The following MORN4 variants were observed in gnomAD, a reference collection of about 807,000 sequenced individuals.
MORN4 encodes MORN repeat-containing protein 4.
A neutral mutation model predicts 16.4 loss-of-function variants in MORN4; 8 were observed. The ratio of observed to expected loss-of-function variants is 0.49; its 90% CI spans 0.29 to 0.88. The LOEUF (loss-of-function observed/expected upper bound fraction) is 0.88. Among genes scored for constraint, MORN4 ranks in the 40% least tolerant of loss-of-function variants. The pLI is 0.09. For synonymous variants in MORN4, 53 were observed against 68.9 expected (o/e 0.77, Z 1.14); for missense variants, 159 against 182.9 (o/e 0.87, Z 0.75).
At position 97,628,780 on chromosome 10, in the gene MORN4, C is replaced by A. The variant is rs1033623183; in HGVS notation, c.-31+4567G>T. On this transcript the variant is annotated intron_variant, in intron 1 of 4. Transcript: ENST00000307450. The stretch of plus-strand genomic sequence containing the variant: ...CTTCTGGCCTCATGTGATCTGCCTG[C>A]CTTGGACTCCCAAAGTGCTGGGATT... Among the ~76,000 whole-genome samples, 44 of 152,260 alleles carry A rather than the reference C, an allele frequency of 2.9e-4. 1 individual carries two copies. Among genetic ancestry groups the A allele is most frequent in the Admixed American group, 2.3e-3 (35 of 15,288 alleles).
rs564656070 is a variant in MORN4 at position 97,614,695 on chromosome 10, G to A, written c.*1568C>T. The A allele has an allele frequency of 3.3e-5, 5 of 152,792 alleles. 1 individual carries two copies. The South Asian group carries it at 1.0e-3, about 32-fold the overall frequency. 9.5% of individuals were successfully genotyped at this position (152,792 alleles called of 1,614,324 possible). On this transcript the variant is annotated 3_prime_UTR_variant, in exon 5 of 5. Coordinates refer to ENST00000307450, the MANE Select transcript of MORN4 (RefSeq NM_178832.4). ...TTCAATGTGAGGCTAGGGAGCTAGA[G>A]GTGGGGGACGTATTTGGGTACCAGG...
At chr10:97,629,103 G>T (rs1022070526) in intron 1 of MORN4, among the ~76,000 whole-genome samples, 2 of 152,008 alleles carry the variant, frequency 1.3e-5, no homozygotes, top group African/African-American at 4.8e-5. Context: ...AAATGATGGT[G>T]TGGGCCGGGC....
intron 2 of MORN4, among the ~76,000 whole-genome samples, chr10:97,618,258 CTTTTT>C (rs1192502394): frequency 2.0e-4 from 19 of 92,812 alleles, no homozygotes; most frequent in African/African-American, 6.6e-4. Context: ...AGCCTCTCTT[CTTTTT>C]TTTTTTTTTT....
intron 1 of MORN4, among the ~76,000 whole-genome samples, chr10:97,629,801 C>G (rs982116555): frequency 3.3e-5 from 5 of 152,072 alleles, no homozygotes; most frequent in African/African-American, 9.7e-5. Context: ...CTTTGTCACG[C>G]TGGGTGGAGT....
rs2041229503 is a variant in MORN4, at chr10:97,615,567, A to G, written c.*696T>C. On this transcript the variant is annotated 3_prime_UTR_variant, in exon 5 of 5. Transcript: ENST00000307450. The stretch of plus-strand genomic sequence containing the variant: ...GAAACCCCGTCTCTACTAAAAAAAA[A>G]TACAAAAATTAGCTGGGTGTGGTGG... 1 of 152,058 alleles carries G rather than the reference A, an allele frequency of 6.6e-6. No homozygotes were observed. Among genetic ancestry groups the G allele is most frequent in the Non-Finnish European group, 1.5e-5 (1 of 68,018 alleles). The allele number at this position is 152,058 out of a possible 1,614,324, so 9.4% of individuals were successfully genotyped here. A position where few individuals can be genotyped will look rare whatever the true frequency, so the allele number is the denominator to read the frequency against.
chr10:97,619,334 A>C (rs192578569), intron 2 of MORN4: 2 of 569,120 alleles, frequency 3.5e-6, no homozygotes, highest in East Asian at 5.6e-5. Flanking sequence ...ATCTCAAAAA[A>C]CAAAACAAAA....
intron 1 of MORN4, among the ~76,000 whole-genome samples, chr10:97,630,856 A>G (rs554142249): frequency 3.9e-5 from 6 of 152,174 alleles, no homozygotes; most frequent in African/African-American, 1.4e-4. Context: ...TGAAAGCCCA[A>G]TACTTTTTTT....
At chr10:97,627,225 C>A (rs2135741744) in intron 1 of MORN4, among the ~76,000 whole-genome samples, 1 of 152,152 alleles carries the variant, frequency 6.6e-6, no homozygotes, top group East Asian at 1.9e-4. Flanking sequence ...CTCACTGCAA[C>A]CTTCGTCTCC....
rs1247437232 is a variant in MORN4, at chr10:97,615,327, A to G, written c.*936T>C. ...CCAGGCACAGTGGCTCACACCTGCA[A>G]TCCTAGCACTTTGGCAGGCCCAGGC... On this transcript the variant is annotated 3_prime_UTR_variant, in exon 5 of 5. Coordinates refer to ENST00000307450, the MANE Select transcript of MORN4 (RefSeq NM_178832.4). The G allele has an allele frequency of 4.6e-5, 7 of 152,328 alleles. No individual in the cohort carries two copies. Among genetic ancestry groups the G allele is most frequent in the Non-Finnish European group, 4.4e-5 (3 of 68,122 alleles). The allele number at this position is 152,328 out of a possible 1,614,324, so 9.4% of individuals were successfully genotyped here.
At chr10:97,628,223 A>C (rs1302612193) in intron 1 of MORN4, among the ~76,000 whole-genome samples, 2 of 152,342 alleles carry the variant, frequency 1.3e-5, no homozygotes, top group Non-Finnish European at 2.9e-5. Context: ...TATTTATACA[A>C]AAAGATTATA....
In MORN4 at chr10:97,633,079, AC is replaced by A. The variant is rs1197297752; in HGVS notation, c.-31+267del. 1.3e-5 allele frequency among the ~76,000 whole-genome samples: 2 copies of A among 152,080 alleles called. No individual in the cohort carries two copies. The highest frequency in any genetic ancestry group is 4.8e-5 in the African/African-American group (2 of 41,398). On this transcript the variant is annotated intron_variant, in intron 1 of 4. Transcript: ENST00000307450. This position sits in a 1 kb window ranked among gnomAD's most constrained non-coding sequence, Gnocchi z 4.5. Reference sequence around the variant, plus strand: ...CCGCTCTCCCGCCCGGCAGGGTCTAACGCTCACACAGGTCTGCCAATTCCCC... The same window carrying A: ...CCGCTCTCCCGCCCGGCAGGGTCTAAGCTCACACAGGTCTGCCAATTCCCC...
At chr10:97,625,664 A>G (rs1472115344) in intron 1 of MORN4, among the ~76,000 whole-genome samples, 7 of 152,262 alleles carry the variant, frequency 4.6e-5, no homozygotes. Flanking sequence ...AATTTTGACT[A>G]AAGAGCTGAA....
intron 1 of MORN4, among the ~76,000 whole-genome samples, chr10:97,623,836 T>C (rs1040892483): frequency 4.6e-5 from 7 of 151,828 alleles, no homozygotes; most frequent in African/African-American, 9.7e-5. Context: ...CCCGGGTTCA[T>C]GCCATTCTCC....
At chr10:97,619,755 A>T (rs1363168421) in intron 1 of MORN4, 72 bp from the exon 2 acceptor site, 6 of 1,248,658 alleles carry the variant, frequency 4.8e-6, no homozygotes, top group Non-Finnish European at 7.0e-6. Context: ...GCAATTTTAT[A>T]GATACATTCT....
chr10:97,628,232 T>C (rs1363861213), intron 1 of MORN4, among the ~76,000 whole-genome samples: 2 of 152,240 alleles, frequency 1.3e-5, no homozygotes, highest in Admixed American at 1.3e-4. Flanking sequence ...AAAAAGATTA[T>C]AAGAGCATTT....
intron 1 of MORN4, among the ~76,000 whole-genome samples, chr10:97,627,387 G>A (rs1161216575): frequency 6.6e-6 from 1 of 151,316 alleles, no homozygotes; most frequent in African/African-American, 2.4e-5. Flanking sequence ...CATGTGATCT[G>A]CCCACCTCGG....
chr10:97,620,626 G>A (rs903807492), intron 1 of MORN4, among the ~76,000 whole-genome samples: 6 of 151,994 alleles, frequency 3.9e-5, no homozygotes, highest in African/African-American at 1.2e-4. Context: ...ACAGTTGAGG[G>A]TTTATTTGGG....
At chr10:97,628,391 G>C in intron 1 of MORN4, among the ~76,000 whole-genome samples, 1 of 152,186 alleles carries the variant, frequency 6.6e-6, no homozygotes, top group East Asian at 1.9e-4. Flanking sequence ...TCAAGGCTAC[G>C]TGAAACTTCC....
At position 97,618,554 on chromosome 10, in the gene MORN4, G is replaced by T. The variant is rs149497350; in HGVS notation, c.67+1033C>A. 8.1e-4 allele frequency among the ~76,000 whole-genome samples: 123 copies of T among 152,088 alleles called. 5 individuals carry two copies. The East Asian group carries it at 0.022, about 27-fold the overall frequency. ...AAATACCTGGTGTCCCCTTTAATGC[G>T]GACTGTTAGAGGAGAGACTTCCTGA... is the stretch of plus-strand genomic sequence containing the variant. On this transcript the variant is annotated intron_variant, in intron 2 of 4. Coordinates refer to ENST00000307450, the MANE Select transcript of MORN4 (RefSeq NM_178832.4).
Sources: allele counts gnomAD v4.1 joint callset (sites outside exome capture counted in the v4.1 genomes callset), GRCh38; gene constraint gnomAD v4.1.1; non-coding constraint Gnocchi (gnomAD v3.1); transcripts MANE v1.5; gene names NCBI Gene and HGNC (gene_info 2026-07-23, HGNC 2026-07-21).